The following ATP8A2 variants were observed in gnomAD, a reference collection of about 807,000 sequenced individuals.
ATP8A2 encodes ATPase phospholipid transporting 8A2.
ATP8A2 carries 100 observed loss-of-function variants against 165.6 expected under a neutral mutation model. The observed-to-expected ratio is 0.60, with a 90% CI of 0.51 to 0.71. The LOEUF (loss-of-function observed/expected upper bound fraction) is 0.71. Among genes scored for constraint, ATP8A2 ranks in the 30% least tolerant of loss-of-function variants. The pLI, the probability that ATP8A2 is intolerant of heterozygous loss-of-function variation, is 0.00. For missense variants in ATP8A2, 1,227 were observed against 1,479.5 expected (o/e 0.83, Z 2.80); for synonymous variants, 543 against 548.8 (o/e 0.99, Z 0.15).
chr13:25,876,320 A>G (rs1411373426), intron 33 of ATP8A2, among the ~76,000 whole-genome samples: 2 of 152,202 alleles, frequency 1.3e-5, no homozygotes, highest in Non-Finnish European at 2.9e-5. Context: ...AGGATTTGGA[A>G]AGTCTATCCC....
intron 27 of ATP8A2, among the ~76,000 whole-genome samples, chr13:25,826,011 G>A (rs906767847): frequency 5.3e-5 from 8 of 152,102 alleles, no homozygotes; most frequent in African/African-American, 1.9e-4. Flanking sequence ...GTTGTTTGGG[G>A]TTTTTTGAGA....
chr13:25,704,326 C>A (rs2043011077), intron 25 of ATP8A2, among the ~76,000 whole-genome samples: 1 of 149,700 alleles, frequency 6.7e-6, no homozygotes. Flanking sequence ...TACATCCAAC[C>A]ACATCTAGGA....
chr13:25,381,712 G>A (rs1278707317), intron 1 of ATP8A2, among the ~76,000 whole-genome samples: 2 of 152,196 alleles, frequency 1.3e-5, no homozygotes, highest in African/African-American at 4.8e-5. Context: ...TGTGTTGTCT[G>A]CAGTCTGTGA....
Position 25,541,958 on chromosome 13 carries a change from C to T in ATP8A2, c.691C>T (p.Leu231=). 1 of 1,614,092 alleles carries T rather than the reference C, an allele frequency of 6.2e-7. No individual in the cohort carries two copies. The change falls in exon 9 of 37, where the codon CTG becomes TTG. Residue 231 remains leucine (L), a synonymous_variant. Transcript: ENST00000381655. ...TGCTGACATGCAAACACGTGAAGTT[C>T]TGATGAAGTTATCTGGAACTATAGA... ...HTADMQTREV[L]MKLSGTIECE...
At chr13:25,709,040 G>A (rs2043107811) in intron 25 of ATP8A2, among the ~76,000 whole-genome samples, 1 of 152,158 alleles carries the variant, frequency 6.6e-6, no homozygotes, top group Admixed American at 6.5e-5. Flanking sequence ...AGTTAACTGA[G>A]CTCTGTGAGA....
intron 1 of ATP8A2, among the ~76,000 whole-genome samples, chr13:25,406,504 C>G (rs1028667463): frequency 1.3e-5 from 2 of 152,210 alleles, no homozygotes; most frequent in African/African-American, 2.4e-5. Flanking sequence ...GCTTTTGCTT[C>G]CACATGGCCA....
intron 24 of ATP8A2, among the ~76,000 whole-genome samples, chr13:25,644,233 C>G (rs1593124793): frequency 2.0e-5 from 3 of 152,188 alleles, no homozygotes; most frequent in East Asian, 3.9e-4. Context: ...TTATTTCTTT[C>G]TCTTGCAGAA....
chr13:25,510,174 A>AACAC (rs57755000), intron 2 of ATP8A2, among the ~76,000 whole-genome samples: 3,915 of 128,488 alleles, frequency 0.03, 80 homozygotes, highest in African/African-American at 0.053. Flanking sequence ...GTCTGTCTGT[A>AACAC]ACACACACAC....
chr13:25,531,203 GATATATGTT>G lies in ATP8A2; in HGVS notation c.420+551_420+559del, dbSNP rs2038035004. On this transcript the variant is annotated intron_variant, in intron 4 of 36. Coordinates refer to ENST00000381655, the MANE Select transcript of ATP8A2 (RefSeq NM_016529.6). ...TATATATGTTATATATGTTATATATGATATATGTTATATATGATATATGTTATATATGAT... is the reference window on the plus strand; with the variant it reads ...TATATATGTTATATATGTTATATATGATATATGATATATGTTATATATGAT... Among the ~76,000 whole-genome samples the G allele has an allele frequency of 2.4e-5, 3 of 123,154 alleles. No individual in the cohort carries two copies. The South Asian group carries it at 7.2e-4, about 30-fold the overall frequency. The allele number at this position is 123,154 out of a possible 152,430, so 80.8% of individuals were successfully genotyped here. A position where few individuals can be genotyped will look rare whatever the true frequency, so the allele number is the denominator to read the frequency against.
At chr13:25,479,906 C>T (rs1441485871) in intron 2 of ATP8A2, among the ~76,000 whole-genome samples, 1 of 151,962 alleles carries the variant, frequency 6.6e-6, no homozygotes, top group African/African-American at 2.4e-5. Flanking sequence ...CACACAGACA[C>T]GGCAACCATC....
chr13:25,547,131 A>G (rs1227877890), intron 10 of ATP8A2, among the ~76,000 whole-genome samples: 1 of 151,698 alleles, frequency 6.6e-6, no homozygotes, highest in African/African-American at 2.4e-5. Flanking sequence ...CTCCGTCTCG[A>G]AATAAATAAA....
chr13:25,734,297 G>A (rs75768054), intron 25 of ATP8A2, among the ~76,000 whole-genome samples: 3,320 of 152,296 alleles, frequency 0.022, 132 homozygotes, highest in African/African-American at 0.076. Context: ...CTGGGAGTAG[G>A]AGCTAGGCCA....
intron 2 of ATP8A2, among the ~76,000 whole-genome samples, chr13:25,476,661 G>A (rs1257296236): frequency 6.6e-6 from 1 of 152,214 alleles, no homozygotes; most frequent in Non-Finnish European, 1.5e-5. Context: ...TCTGATTTGA[G>A]ACTGCTGTCT....
chr13:25,474,900 G>A (rs1410733685), intron 2 of ATP8A2, among the ~76,000 whole-genome samples: 2 of 151,728 alleles, frequency 1.3e-5, no homozygotes, highest in South Asian at 2.1e-4. Context: ...GTGCAATCTC[G>A]GCTCACTGCA....
intron 24 of ATP8A2, among the ~76,000 whole-genome samples, chr13:25,685,873 A>G (rs2042590647): frequency 6.6e-6 from 1 of 152,160 alleles, no homozygotes; most frequent in Admixed American, 6.5e-5. Context: ...GCCCAGGGAC[A>G]GTTCAGGAGG....
chr13:25,525,906 T>C (rs748072459), intron 2 of ATP8A2, among the ~76,000 whole-genome samples: 4 of 152,190 alleles, frequency 2.6e-5, no homozygotes, highest in Non-Finnish European at 2.9e-5. Flanking sequence ...CTCCTTGCTC[T>C]TGTTTAACTC....
chr13:25,629,348 A>G (rs902061978), intron 24 of ATP8A2, among the ~76,000 whole-genome samples: 13 of 152,188 alleles, frequency 8.5e-5, no homozygotes, highest in Non-Finnish European at 1.8e-4. Context: ...AATTAAGACT[A>G]GTTAACACAC....
chr13:25,933,703 C>T lies in ATP8A2; in HGVS notation c.3184-27872C>T, dbSNP rs895210908. Reference sequence around the variant, plus strand: ...TGCACTCAAGCCCAGTCTAAGGCAGCCTCAAAGGCCACGTGACAGATACTC... The same window carrying T: ...TGCACTCAAGCCCAGTCTAAGGCAGTCTCAAAGGCCACGTGACAGATACTC... On this transcript the variant is annotated intron_variant, in intron 33 of 36. Transcript: ENST00000381655. Among the ~76,000 whole-genome samples, 10 of 152,190 alleles carry T rather than the reference C, an allele frequency of 6.6e-5. No individual in the cohort carries two copies. The South Asian group carries it at 1.0e-3, about 16-fold the overall frequency.
intron 2 of ATP8A2, among the ~76,000 whole-genome samples, chr13:25,493,986 T>C (rs1328403021): frequency 6.6e-6 from 1 of 152,060 alleles, no homozygotes; most frequent in Non-Finnish European, 1.5e-5. Flanking sequence ...TGTGTGGGTG[T>C]CAAGGTGAAT....
Sources: gnomAD v4.1 joint callset for allele counts (sites outside exome capture counted in the v4.1 genomes callset) on GRCh38, gnomAD v4.1.1 for gene constraint, MANE v1.5 for transcripts, NCBI Gene and HGNC (gene_info 2026-07-23, HGNC 2026-07-21) for gene names.